The following TEX50 variants were observed in gnomAD, a reference collection of about 807,000 sequenced individuals.
TEX50 encodes the protein testis expressed 50.
In TEX50, 3 loss-of-function variants were observed where a neutral mutation model predicts 9.8. The ratio of observed to expected loss-of-function variants is 0.31; its 90% CI spans 0.14 to 0.79. TEX50 has a LOEUF of 0.79. TEX50 is among the 30% of genes least tolerant of loss of function. TEX50 has a pLI of 0.63. For synonymous variants in TEX50, 61 were observed against 72.1 expected (o/e 0.85, Z 0.78); for missense variants, 164 against 199.3 (o/e 0.82, Z 1.07).
Position 173,635,732 on chromosome 1 carries a change from A to C in TEX50, c.211A>C (p.Ile71Leu), listed in dbSNP as rs1016059558. 1.6e-5 allele frequency: 25 copies of C among 1,535,406 alleles called. No individual in the cohort carries two copies. The African/African-American group carries it at 3.3e-4, about 20-fold the overall frequency. The part of the protein sequence containing the change: ...KLCCDFANMD[I>L]FQGCLYLIYN... ...ATGCTGCGACTTTGCTAACATGGATATATTTCAGGGTTGTTTATATCTCAT... is the reference window on the plus strand; with the variant it reads ...ATGCTGCGACTTTGCTAACATGGATCTATTTCAGGGTTGTTTATATCTCAT... The change falls in exon 1 of 2, where the codon ATA (isoleucine) becomes CTA (leucine). Residue 71 changes from isoleucine to leucine, a missense_variant. Physicochemically the swap from Ile to Leu is conservative, Grantham distance 5 (BLOSUM62 2). This residue lies in a region of TEX50 where 135 missense variants were observed against 154.2 expected (regional missense o/e 0.88). Coordinates refer to ENST00000417563, the MANE Select transcript of TEX50 (RefSeq NM_001195190.3).
Position 173,635,508 on chromosome 1 carries a change from A to G in TEX50, c.-14A>G, listed in dbSNP as rs958877502. The G allele has an allele frequency of 6.1e-6, 9 of 1,477,770 alleles. No individual in the cohort carries two copies. Among genetic ancestry groups the G allele is most frequent in the African/African-American group, 2.8e-5 (2 of 70,214 alleles). The allele number at this position is 1,477,770 out of a possible 1,614,324, so 91.5% of individuals were successfully genotyped here. ...CTAAATTTTAGCTACTTTTTTTTCAATTGACAAAGAAGGATGTCTAATCAA... is the reference window on the plus strand; with the variant it reads ...CTAAATTTTAGCTACTTTTTTTTCAGTTGACAAAGAAGGATGTCTAATCAA... On this transcript the variant is annotated 5_prime_UTR_variant, in exon 1 of 2. Coordinates refer to ENST00000417563, the MANE Select transcript of TEX50 (RefSeq NM_001195190.3).
chr1:173,635,874 T>C, intron 1 of TEX50, 29 bp downstream of exon 1: 1 of 1,441,172 alleles, frequency 6.9e-7, no homozygotes. Context: ...TAGTAATAGT[T>C]ACAAAATCTC....
At chr1:173,636,574 T>G (rs1042131952) in intron 1 of TEX50, among the ~76,000 whole-genome samples, 5 of 152,172 alleles carry the variant, frequency 3.3e-5, no homozygotes, top group African/African-American at 1.2e-4. Context: ...ACCCTAAACA[T>G]AGGACACACT....
rs1668412378 is a variant in TEX50 at position 173,635,850 on chromosome 1, A to T, written c.324+5A>T. ...TGGAAGAAACACCAAAAAAAGGTGA[A>T]TTCGTGATACAAGTAGTAATAGTTA... On this transcript the variant is annotated splice_donor_5th_base_variant and intron_variant, in intron 1 of 1. Coordinates refer to ENST00000417563, the MANE Select transcript of TEX50 (RefSeq NM_001195190.3). 6.6e-7 allele frequency: 1 copy of T among 1,517,350 alleles called. No individual in the cohort carries two copies. Among genetic ancestry groups the T allele is most frequent in the Non-Finnish European group, 8.8e-7 (1 of 1,133,018 alleles). 94.0% of individuals were successfully genotyped at this position (1,517,350 alleles called of 1,614,324 possible).
intron 1 of TEX50, among the ~76,000 whole-genome samples, chr1:173,636,529 C>T (rs1169190843): frequency 6.6e-6 from 1 of 152,106 alleles, no homozygotes; most frequent in African/African-American, 2.4e-5. Context: ...TAAACGAATA[C>T]ATTTTGCTAA....
chr1:173,635,657 A>G lies in TEX50; in HGVS notation c.136A>G (p.Lys46Glu). The stretch of plus-strand genomic sequence containing the variant: ...TCTTCCAGAAGAAGTACATTATTGG[A>G]AAGTTAAGGGTTCTCCATCTCACTG... Reference protein sequence around the residue: ...EILPEEVHYWKVKGSPSHCLP... With the variant: ...EILPEEVHYWEVKGSPSHCLP... The change falls in exon 1 of 2, where the codon AAA (lysine) becomes GAA (glutamate). Residue 46 changes from lysine to glutamate, a missense_variant. Coordinates refer to ENST00000417563, the MANE Select transcript of TEX50 (RefSeq NM_001195190.3). The G allele has an allele frequency of 6.5e-7, 1 of 1,535,672 alleles. No individual in the cohort carries two copies. Among genetic ancestry groups the G allele is most frequent in the Non-Finnish European group, 8.7e-7 (1 of 1,146,604 alleles).
At position 173,635,516 on chromosome 1, in the gene TEX50, A is replaced by T. The variant is rs1571724213; in HGVS notation, c.-6A>T. The T allele has an allele frequency of 2.7e-6, 4 of 1,495,686 alleles. No homozygotes were observed. The highest frequency in any genetic ancestry group is 3.5e-6 in the Non-Finnish European group (4 of 1,127,358). The allele number at this position is 1,495,686 out of a possible 1,614,324, so 92.7% of individuals were successfully genotyped here. ...TAGCTACTTTTTTTTCAATTGACAA[A>T]GAAGGATGTCTAATCAAAGACTACC... On this transcript the variant is annotated 5_prime_UTR_variant, in exon 1 of 2. It adds an upstream start codon to the 5' untranslated region. Coordinates refer to ENST00000417563, the MANE Select transcript of TEX50 (RefSeq NM_001195190.3).
At chr1:173,636,464 T>G (rs950598172) in intron 1 of TEX50, among the ~76,000 whole-genome samples, 1 of 152,218 alleles carries the variant, frequency 6.6e-6, no homozygotes, top group Non-Finnish European at 1.5e-5. Flanking sequence ...TATAAATGTT[T>G]TCTTATTTTT....
In TEX50 at chr1:173,636,837, A is replaced by G. The variant is rs1668466477; in HGVS notation, c.335A>G (p.Gln112Arg). The change falls in exon 2 of 2, where the codon CAA becomes CGA. Residue 112 changes from glutamine to arginine, a missense_variant. Coordinates refer to ENST00000417563, the MANE Select transcript of TEX50 (RefSeq NM_001195190.3). ...TTTTTCTCCTTTTAGCTGAAAAAGC[A>G]AGCCTCCTTAGAAAAACCTGGTAAT... ...WKKHQKKLKKQASLEKPGNDL... is the reference protein window; with the variant it reads ...WKKHQKKLKKRASLEKPGNDL... 6.5e-7 allele frequency: 1 copy of G among 1,535,498 alleles called. No individual in the cohort carries two copies. The highest frequency in any genetic ancestry group is 1.2e-5 in the South Asian group (1 of 84,012).
Position 173,636,940 on chromosome 1 carries a change from G to A in TEX50, c.438G>A (p.Lys146=). The change falls in exon 2 of 2, where the codon AAG becomes AAA. Residue 146 remains lysine (K), a synonymous_variant. Transcript: ENST00000417563. ...CAACCACAGCATCAGTGATATACAA[G>A]ATCTGGGAGCACAGGTCTCACCATC... ...RVATTASVIY[K]IWEHRSHHPS... is the part of the protein sequence containing the mutation. The A allele has an allele frequency of 7.8e-6, 12 of 1,535,690 alleles. No homozygotes were observed. Among genetic ancestry groups the A allele is most frequent in the Non-Finnish European group, 1.0e-5 (12 of 1,146,694 alleles).
intron 1 of TEX50, among the ~76,000 whole-genome samples, 192 bp downstream of exon 1, chr1:173,636,037 G>C (rs1256811272): frequency 6.6e-6 from 1 of 152,028 alleles, no homozygotes; most frequent in Non-Finnish European, 1.5e-5. Context: ...TATTGAATTA[G>C]AAGGTCCTTA....
rs1336230944 is a variant in TEX50 at position 173,637,041 on chromosome 1, A to G, written c.*5A>G. ...GAAGGAGCCAGAAGATACTAAATAA[A>G]TGCATATGCAAATGTAGCTTAGTCA... On this transcript the variant is annotated 3_prime_UTR_variant, in exon 2 of 2. Coordinates refer to ENST00000417563, the MANE Select transcript of TEX50 (RefSeq NM_001195190.3). The G allele has an allele frequency of 2.1e-6, 3 of 1,462,464 alleles. No individual in the cohort carries two copies. In the Admixed American group the frequency reaches 5.9e-5, roughly 29 times the overall value. The allele number at this position is 1,462,464 out of a possible 1,614,324, so 90.6% of individuals were successfully genotyped here.
rs567981968 is a variant in TEX50, at chr1:173,636,936, A to G, written c.434A>G (p.Tyr145Cys). The G allele has an allele frequency of 6.5e-6, 10 of 1,535,714 alleles. No individual in the cohort carries two copies. Among genetic ancestry groups the G allele is most frequent in the Non-Finnish European group, 8.7e-6 (10 of 1,146,708 alleles). ...HRVATTASVI[Y>C]KIWEHRSHHP... Reference sequence around the variant, plus strand: ...GTGGCAACCACAGCATCAGTGATATACAAGATCTGGGAGCACAGGTCTCAC... The same window carrying G: ...GTGGCAACCACAGCATCAGTGATATGCAAGATCTGGGAGCACAGGTCTCAC... Residue 145 changes from tyrosine to cysteine, a missense_variant, in exon 2 of 2, where the codon TAC (tyrosine) becomes TGC (cysteine). By Grantham distance (194) the Tyr-to-Cys change is radical (BLOSUM62 -2). Coordinates refer to ENST00000417563, the MANE Select transcript of TEX50 (RefSeq NM_001195190.3).
At position 173,635,726 on chromosome 1, in the gene TEX50, A is replaced by G. The variant is rs1420902553; in HGVS notation, c.205A>G (p.Met69Val). 2.6e-6 allele frequency: 4 copies of G among 1,535,614 alleles called. No homozygotes were observed. The highest frequency in any genetic ancestry group is 2.4e-5 in the East Asian group (1 of 40,898). ...TAAACTATGCTGCGACTTTGCTAAC[A>G]TGGATATATTTCAGGGTTGTTTATA... ...LDKLCCDFAN[M>V]DIFQGCLYLI... Residue 69 changes from methionine (M) to valine (V), a missense_variant, in exon 1 of 2, where the codon ATG becomes GTG. Physicochemically the swap from Met to Val is conservative, Grantham distance 21. Around this residue, in one of 3 missense-constraint regions of TEX50, gnomAD observed 135 missense variants for 154.2 expected, o/e 0.88. Transcript: ENST00000417563.
At position 173,635,779 on chromosome 1, in the gene TEX50, C is replaced by A. The variant is rs929206049; in HGVS notation, c.258C>A (p.Val86=). The part of the protein sequence containing the change: ...LYLIYNLLQA[V]FFVLFVLSVH... Reference sequence around the variant, plus strand: ...TCATTTATAATTTATTACAAGCTGTCTTCTTCGTCTTATTTGTTTTGTCTG... The same window carrying A: ...TCATTTATAATTTATTACAAGCTGTATTCTTCGTCTTATTTGTTTTGTCTG... Residue 86 remains valine, a synonymous_variant, in exon 1 of 2, where the codon GTC becomes GTA. Coordinates refer to ENST00000417563, the MANE Select transcript of TEX50 (RefSeq NM_001195190.3). 5.9e-6 allele frequency: 9 copies of A among 1,535,452 alleles called. No individual in the cohort carries two copies. Among genetic ancestry groups the A allele is most frequent in the Non-Finnish European group, 7.9e-6 (9 of 1,146,440 alleles).
Position 173,635,339 on chromosome 1 carries a change from T to C in TEX50, c.-183T>C. ...TCATCACTGTATCCTTTGCTGGGCA[T>C]ATTTTGCTGACTGGCAAGGTTATAT... On this transcript the variant is annotated 5_prime_UTR_variant, in exon 1 of 2. Transcript: ENST00000417563. The C allele has an allele frequency of 1.8e-6, 1 of 563,000 alleles. No homozygotes were observed. Among genetic ancestry groups the C allele is most frequent in the South Asian group, 2.3e-5 (1 of 43,086 alleles). 34.9% of individuals were successfully genotyped at this position (563,000 alleles called of 1,614,324 possible).
Position 173,635,418 on chromosome 1 carries a change from T to C in TEX50, c.-104T>C, listed in dbSNP as rs1668384062. ...ACTAATAGCTCCTGGTATTTTCTGC[T>C]TCCCTTCGTAGGGAATTTAGTTATT... On this transcript the variant is annotated 5_prime_UTR_variant, in exon 1 of 2. Transcript: ENST00000417563. 2.2e-6 allele frequency: 2 copies of C among 903,440 alleles called. No homozygotes were observed. Among genetic ancestry groups the C allele is most frequent in the Non-Finnish European group, 3.2e-6 (2 of 617,530 alleles). The allele number at this position is 903,440 out of a possible 1,614,324, so 56.0% of individuals were successfully genotyped here.
Position 173,635,507 on chromosome 1 carries a change from A to T in TEX50, c.-15A>T, listed in dbSNP as rs1571724190. ...GCTAAATTTTAGCTACTTTTTTTTC[A>T]ATTGACAAAGAAGGATGTCTAATCA... On this transcript the variant is annotated 5_prime_UTR_variant, in exon 1 of 2. Transcript: ENST00000417563. 1 of 1,476,692 alleles carries T rather than the reference A, an allele frequency of 6.8e-7. No individual in the cohort carries two copies. The highest frequency in any genetic ancestry group is 8.9e-7 in the Non-Finnish European group (1 of 1,119,076). 91.5% of individuals were successfully genotyped at this position (1,476,692 alleles called of 1,614,324 possible).
At position 173,635,863 on chromosome 1, in the gene TEX50, G is replaced by A. The variant is rs1218841693; in HGVS notation, c.324+18G>A. The A allele has an allele frequency of 4.1e-6, 6 of 1,474,250 alleles. No individual in the cohort carries two copies. The African/African-American group carries it at 5.6e-5, about 14-fold the overall frequency. The allele number at this position is 1,474,250 out of a possible 1,614,324, so 91.3% of individuals were successfully genotyped here. Reference sequence around the variant, plus strand: ...AAAAAAAGGTGAATTCGTGATACAAGTAGTAATAGTTACAAAATCTCTAAG... The same window carrying A: ...AAAAAAAGGTGAATTCGTGATACAAATAGTAATAGTTACAAAATCTCTAAG... On this transcript the variant is annotated intron_variant, in intron 1 of 1. Transcript: ENST00000417563.
Sources: allele counts gnomAD v4.1 joint callset (sites outside exome capture counted in the v4.1 genomes callset), GRCh38; gene constraint gnomAD v4.1.1; regional missense constraint gnomAD v4.1.1; transcripts MANE v1.5; gene names NCBI Gene and HGNC (gene_info 2026-07-23, HGNC 2026-07-21).